The following MME variants were observed in gnomAD, a reference collection of about 807,000 sequenced individuals.
MME encodes neprilysin.
In MME, 98 loss-of-function variants were observed where a neutral mutation model predicts 113.2. That is an observed-to-expected ratio of 0.87 (90% CI 0.74 to 1.02). MME has a LOEUF of 1.02. Ranked by LOEUF, MME falls within the 50% of genes least tolerant of loss-of-function variation. The pLI is 0.00. For missense variants in MME, 836 were observed against 896.0 expected (o/e 0.93, Z 0.86); for synonymous variants, 292 against 300.6 (o/e 0.97, Z 0.30).
chr3:155,127,431 C>A (rs927503241), intron 8 of MME, among the ~76,000 whole-genome samples: 2 of 152,176 alleles, frequency 1.3e-5, no homozygotes, highest in Non-Finnish European at 2.9e-5. Flanking sequence ...AAATAGTTAA[C>A]CTTTATGTAA....
At chr3:155,178,550 A>G (rs868024741) in intron 22 of MME, among the ~76,000 whole-genome samples, 1 of 152,102 alleles carries the variant, frequency 6.6e-6, no homozygotes, top group African/African-American at 2.4e-5. Flanking sequence ...TTCATTCAGT[A>G]TGTACTGAGT....
At chr3:155,143,184 G>T (rs375668847) in intron 12 of MME, among the ~76,000 whole-genome samples, 1 of 152,070 alleles carries the variant, frequency 6.6e-6, no homozygotes, top group African/African-American at 2.4e-5. Context: ...TTTTTCTAAC[G>T]CTTTCTACAA....
chr3:155,053,317 G>T (rs1713820887), intron 1 of MME, among the ~76,000 whole-genome samples: 1 of 152,128 alleles, frequency 6.6e-6, no homozygotes, highest in Non-Finnish European at 1.5e-5. Context: ...ACTCAAGACT[G>T]GGTAATTTGT....
rs751802248 is a variant in MME at position 155,166,993 on chromosome 3, C to T, written c.1752C>T (p.His584=). 1.9e-6 allele frequency: 3 copies of T among 1,613,674 alleles called. No individual in the cohort carries two copies. Among genetic ancestry groups the T allele is most frequent in the East Asian group, 2.2e-5 (1 of 44,814 alleles). Residue 584 remains histidine, a synonymous_variant, in exon 18 of 23, where the codon CAC becomes CAT. Coordinates refer to ENST00000360490, the MANE Select transcript of MME (RefSeq NM_007289.4). ...NYGGIGMVIG[H]EITHGFDDNG... is the part of the protein sequence containing the mutation. ...GGGGCATCGGCATGGTCATAGGACACGAAATCACCCATGGCTTCGATGACA... is the reference window on the plus strand; with the variant it reads ...GGGGCATCGGCATGGTCATAGGACATGAAATCACCCATGGCTTCGATGACA...
At chr3:155,034,863 C>A (rs540118532) in intron 1 of MME, among the ~76,000 whole-genome samples, 18 of 152,256 alleles carry the variant, frequency 1.2e-4, no homozygotes, top group African/African-American at 3.8e-4. Flanking sequence ...TCCAGGATAA[C>A]AAACAAGTTT....
At chr3:155,097,790 A>G (rs1306005072) in intron 3 of MME, among the ~76,000 whole-genome samples, 1 of 152,144 alleles carries the variant, frequency 6.6e-6, no homozygotes, top group African/African-American at 2.4e-5. Context: ...GTGAGCTGGT[A>G]GAGAAAGTAA....
At chr3:155,142,689 C>G (rs1182395613) in intron 12 of MME, among the ~76,000 whole-genome samples, 1 of 152,134 alleles carries the variant, frequency 6.6e-6, no homozygotes, top group Non-Finnish European at 1.5e-5. Context: ...TCATTGCACA[C>G]TGGACATATA....
chr3:155,117,070 A>G, intron 7 of MME, 84 bp downstream of exon 7: 4 of 841,682 alleles, frequency 4.8e-6, no homozygotes, highest in Non-Finnish European at 8.2e-6. Context: ...ATATTTAGAA[A>G]TAATGCTATT....
intron 1 of MME, among the ~76,000 whole-genome samples, chr3:155,036,147 A>G (rs1355911310): frequency 6.6e-6 from 1 of 152,194 alleles, no homozygotes; most frequent in African/African-American, 2.4e-5. Context: ...TGGCCTGTGC[A>G]ACTAGTAAAA....
Position 155,140,222 on chromosome 3 carries a change from C to T in MME, c.887C>T (p.Pro296Leu), listed in dbSNP as rs761905435. The T allele has an allele frequency of 8.1e-6, 13 of 1,612,214 alleles. No homozygotes were observed. The highest frequency in any genetic ancestry group is 1.1e-5 in the Non-Finnish European group (13 of 1,178,978). Reference sequence around the variant, plus strand: ...GCTAAACCTGAAGATCGAAATGATCCAATGCTTCTGTATAACAAGATGACA... The same window carrying T: ...GCTAAACCTGAAGATCGAAATGATCTAATGCTTCTGTATAACAAGATGACA... Reference protein sequence around the residue: ...ATAKPEDRNDPMLLYNKMTLA... With the variant: ...ATAKPEDRNDLMLLYNKMTLA... Residue 296 changes from proline (P) to leucine (L), a missense_variant, in exon 10 of 23, where the codon CCA becomes CTA. Coordinates refer to ENST00000360490, the MANE Select transcript of MME (RefSeq NM_007289.4).
In MME at chr3:155,063,856, G is replaced by C. The variant is rs144624809; in HGVS notation, c.-10-20302G>C. ...AAAGCAAGCTGTTATGAACTGAACTGTTTTGCCCTCAAATTCATATGTTGA... is the reference window on the plus strand; with the variant it reads ...AAAGCAAGCTGTTATGAACTGAACTCTTTTGCCCTCAAATTCATATGTTGA... On this transcript the variant is annotated intron_variant, in intron 1 of 22. Coordinates refer to the MME transcript ENST00000492661. Among the ~76,000 whole-genome samples, 461 of 150,934 alleles carry C rather than the reference G, an allele frequency of 3.1e-3. 2 individuals are homozygous for C. The highest frequency in any genetic ancestry group is 0.021 in the East Asian group (110 of 5,142).
chr3:155,163,421 C>T (rs1722856710), intron 17 of MME, among the ~76,000 whole-genome samples: 1 of 152,174 alleles, frequency 6.6e-6, no homozygotes, highest in African/African-American at 2.4e-5. Flanking sequence ...ACAAAAAAGT[C>T]AATTTCCAAG....
intron 1 of MME, among the ~76,000 whole-genome samples, chr3:155,055,792 G>T (rs935622558): frequency 6.6e-6 from 1 of 152,094 alleles, no homozygotes; most frequent in Non-Finnish European, 1.5e-5. Context: ...TTATGCAGGC[G>T]TTTAAACTTT....
intron 1 of MME, among the ~76,000 whole-genome samples, chr3:155,048,598 T>C (rs1202903385): frequency 3.3e-5 from 5 of 151,992 alleles, no homozygotes; most frequent in African/African-American, 1.2e-4. Context: ...TTAGAGGGAG[T>C]CTGAAACTAC....
At chr3:155,133,191 C>T (rs1377976339) in intron 8 of MME, among the ~76,000 whole-genome samples, 1 of 150,736 alleles carries the variant, frequency 6.6e-6, no homozygotes, top group Non-Finnish European at 1.5e-5. Context: ...ACATCTCGTA[C>T]AATGGATTTA....
At chr3:155,168,053 T>G (rs1313978889) in intron 18 of MME, among the ~76,000 whole-genome samples, 3 of 152,184 alleles carry the variant, frequency 2.0e-5, no homozygotes, top group Non-Finnish European at 4.4e-5. Context: ...AAGACTTTTT[T>G]TGTGTGCTTG....
At chr3:155,145,020 A>G (rs1206875017) in intron 14 of MME, among the ~76,000 whole-genome samples, 1 of 152,204 alleles carries the variant, frequency 6.6e-6, no homozygotes, top group African/African-American at 2.4e-5. Context: ...GGATTGATAG[A>G]GGAGACAATA....
chr3:155,108,519 C>T (rs1288191078), intron 3 of MME, among the ~76,000 whole-genome samples: 1 of 151,828 alleles, frequency 6.6e-6, no homozygotes, highest in African/African-American at 2.4e-5. Context: ...TCGCTTGAAC[C>T]CGGGAGGCAG....
chr3:155,078,031 C>T (rs958258939), upstream of MME, among the ~76,000 whole-genome samples: 1 of 149,182 alleles, frequency 6.7e-6, no homozygotes, highest in East Asian at 2.0e-4. Flanking sequence ...ATGGAGAAAC[C>T]CCGAAAGTAA....
Sources: gnomAD v4.1 joint callset for allele counts (sites outside exome capture counted in the v4.1 genomes callset) on GRCh38, gnomAD v4.1.1 for gene constraint, MANE v1.5 for transcripts, NCBI Gene and HGNC (gene_info 2026-07-23, HGNC 2026-07-21) for gene names.